KMT2C: variants seen among roughly 807,000 people sequenced by gnomAD.
KMT2C encodes histone-lysine N-methyltransferase 2C.
In KMT2C, 88 loss-of-function variants were observed where a neutral mutation model predicts 507.9. The observed-to-expected ratio is 0.17, with a 90% confidence interval of 0.15 to 0.21. KMT2C has a LOEUF of 0.21. KMT2C is among the 10% of genes least tolerant of loss of function. The pLI is 1.00. For synonymous variants in KMT2C, 2,049 were observed against 2,080.8 expected (o/e 0.98, Z 0.42); for missense variants, 4,954 against 5,957.8 (o/e 0.83, Z 5.55).
intron 1 of KMT2C, among the ~76,000 whole-genome samples, chr7:152,396,667 TTAGTA>T (rs2097539976): frequency 6.6e-6 from 1 of 152,098 alleles, no homozygotes; most frequent in South Asian, 2.1e-4. Flanking sequence ...CCAAAGTGAT[TTAGTA>T]AAGAAAAAAT....
chr7:152,193,877 G>A (rs1453729746), intron 31 of KMT2C, 132 bp downstream of exon 31: 3 of 651,490 alleles, frequency 4.6e-6, no homozygotes, highest in Non-Finnish European at 7.1e-6. Context: ...CATTACAAAA[G>A]GGTTTTTCTC....
chr7:152,355,550 CAAAA>C lies in KMT2C; in HGVS notation c.250+3033_250+3036del, dbSNP rs1056331114. Among the ~76,000 whole-genome samples the C allele has an allele frequency of 2.7e-5, 4 of 150,522 alleles. No homozygotes were observed. The South Asian group carries it at 6.3e-4, about 24-fold the overall frequency. ...AAACCAGTGAAGGAGTAGGAAAAAA[CAAAA>C]AAACAAACAAACAAACAAAAAAAAA... On this transcript the variant is annotated intron_variant, in intron 2 of 58. Coordinates refer to ENST00000262189, the MANE Select transcript of KMT2C (RefSeq NM_170606.3).
At chr7:152,346,787 T>C (rs894577624) in intron 2 of KMT2C, among the ~76,000 whole-genome samples, 3 of 152,208 alleles carry the variant, frequency 2.0e-5, no homozygotes, top group Non-Finnish European at 2.9e-5. Flanking sequence ...TTGTATTATA[T>C]ACCGTATTCT....
intron 1 of KMT2C, among the ~76,000 whole-genome samples, chr7:152,374,092 C>G (rs2097310673): frequency 6.6e-6 from 1 of 152,040 alleles, no homozygotes; most frequent in Non-Finnish European, 1.5e-5. Context: ...GCGGGCAGAT[C>G]ACTTGAGGCC....
chr7:152,358,656 T>C lies in KMT2C; in HGVS notation c.181A>G (p.Thr61Ala), dbSNP rs111826855. Residue 61 changes from threonine to alanine, a missense_variant, in exon 2 of 59, where the codon ACT becomes GCT. By Grantham distance (58) the Thr-to-Ala change is moderately conservative. Coordinates refer to ENST00000262189, the MANE Select transcript of KMT2C (RefSeq NM_170606.3). ...ARKKPRSRGK[T>A]AVEDEDSMDG... ...ATGCTGTCCTCATCTTCCACTGCAG[T>C]TTTCCCCCTACTTCGAGGTCTACAG... is the stretch of plus-strand genomic sequence containing the variant. 1.8e-3 allele frequency: 2,838 copies of C among 1,608,438 alleles called. 47 individuals carry two copies. In the African/African-American group the frequency reaches 0.034, roughly 19 times the overall value.
chr7:152,384,585 C>T (rs865863909), intron 1 of KMT2C, among the ~76,000 whole-genome samples: 42 of 149,968 alleles, frequency 2.8e-4, no homozygotes, highest in African/African-American at 7.6e-4. Context: ...CCACCACCAC[C>T]ACCACCACCA....
At chr7:152,318,768 G>A (rs2096745517) in intron 3 of KMT2C, among the ~76,000 whole-genome samples, 1 of 151,948 alleles carries the variant, frequency 6.6e-6, no homozygotes, top group African/African-American at 2.4e-5. Flanking sequence ...AAGTTTGAGT[G>A]GCAATAATTT....
chr7:152,269,083 T>G (rs557152364), intron 7 of KMT2C, among the ~76,000 whole-genome samples: 1 of 152,250 alleles, frequency 6.6e-6, no homozygotes, highest in East Asian at 1.9e-4. Flanking sequence ...AAATTACTTA[T>G]GTTGCTCACA....
chr7:152,394,707 C>T (rs1367022012), intron 1 of KMT2C, among the ~76,000 whole-genome samples: 3 of 152,146 alleles, frequency 2.0e-5, no homozygotes, highest in Non-Finnish European at 4.4e-5. Context: ...AAAATATAAG[C>T]CCGTGAAGGA....
chr7:152,167,782 G>A (rs1024584308), intron 41 of KMT2C, among the ~76,000 whole-genome samples: 2 of 152,100 alleles, frequency 1.3e-5, no homozygotes, highest in Non-Finnish European at 2.9e-5. Context: ...TCCCATTAAG[G>A]TCTAGCGCAT....
chr7:152,157,731 G>A (rs1337648855), intron 44 of KMT2C: 3 of 1,165,552 alleles, frequency 2.6e-6, no homozygotes, highest in Non-Finnish European at 3.2e-6. Flanking sequence ...CAAAGATGAA[G>A]CAAGACAACA....
chr7:152,186,945 T>C (rs532314143), intron 33 of KMT2C, among the ~76,000 whole-genome samples: 1 of 152,216 alleles, frequency 6.6e-6, no homozygotes, highest in Non-Finnish European at 1.5e-5. Context: ...GTATTTTTGA[T>C]TAAATGATAG....
chr7:152,423,251 A>G (rs1378369769), intron 1 of KMT2C, among the ~76,000 whole-genome samples: 2 of 152,034 alleles, frequency 1.3e-5, no homozygotes, highest in African/African-American at 4.8e-5. Context: ...AAGGCAGGAG[A>G]ATCGCTTGAA....
At position 152,371,002 on chromosome 7, in the gene KMT2C, T is replaced by C. The variant is rs536096848; in HGVS notation, c.162-12327A>G. Among the ~76,000 whole-genome samples, 256 of 152,284 alleles carry C rather than the reference T, an allele frequency of 1.7e-3. 1 individual carries two copies. Among genetic ancestry groups the C allele is most frequent in the Admixed American group, 3.5e-3 (53 of 15,300 alleles). ...ATTAGACCTGCCTTACAAGAAATGC[T>C]AAAGAAAGTTCTTCAAATTGAAACA... On this transcript the variant is annotated intron_variant, in intron 1 of 58. Coordinates refer to ENST00000262189, the MANE Select transcript of KMT2C (RefSeq NM_170606.3).
At chr7:152,348,388 G>T (rs1468732177) in intron 2 of KMT2C, among the ~76,000 whole-genome samples, 3 of 151,852 alleles carry the variant, frequency 2.0e-5, no homozygotes, top group Admixed American at 1.3e-4. Flanking sequence ...CCTGAGGTCA[G>T]GAGTTCGAGA....
intron 31 of KMT2C, among the ~76,000 whole-genome samples, chr7:152,189,081 T>C (rs551488531): frequency 6.9e-4 from 105 of 152,322 alleles, no homozygotes; most frequent in African/African-American, 2.5e-3. Context: ...TCGAGCTTAT[T>C]CACAAACATC....
chr7:152,424,332 G>C (rs930329115), intron 1 of KMT2C, among the ~76,000 whole-genome samples: 2 of 152,202 alleles, frequency 1.3e-5, no homozygotes, highest in South Asian at 4.1e-4. Context: ...TCTGCTTCCA[G>C]CAAAACAGAT....
At chr7:152,211,908 C>T (rs1386198603) in intron 23 of KMT2C, among the ~76,000 whole-genome samples, 8 of 152,032 alleles carry the variant, frequency 5.3e-5, no homozygotes, top group Non-Finnish European at 8.8e-5. Flanking sequence ...ATTAGCCGGG[C>T]GTGGTGGCAG....
chr7:152,310,384 T>C (rs1376066166), intron 5 of KMT2C, among the ~76,000 whole-genome samples: 2 of 152,192 alleles, frequency 1.3e-5, no homozygotes, highest in Non-Finnish European at 2.9e-5. Context: ...GAGACCAGCC[T>C]GGCTAACATG....
Sources: allele counts gnomAD v4.1 joint callset (sites outside exome capture counted in the v4.1 genomes callset), GRCh38; gene constraint gnomAD v4.1.1; transcripts MANE v1.5; gene names NCBI Gene and HGNC (gene_info 2026-07-23, HGNC 2026-07-21).